Variants in PSMB2 observed in about 807,000 individuals in gnomAD.
The protein encoded by PSMB2 is proteasome subunit beta type-2.
PSMB2 carries 13 observed loss-of-function variants against 25.7 expected under a neutral mutation model. The observed-to-expected ratio is 0.51, with a 90% CI of 0.33 to 0.80. The LOEUF (loss-of-function observed/expected upper bound fraction) is 0.80. PSMB2 is among the 30% of genes least tolerant of loss of function. The pLI is 0.02. For missense variants in PSMB2, 202 were observed against 259.0 expected, an observed-to-expected ratio of 0.78 and a Z score of 1.51; for synonymous variants, 87 against 96.2, an observed-to-expected ratio of 0.90 and a Z score of 0.56.
intron 3 of PSMB2, among the ~76,000 whole-genome samples, chr1:35,625,473 A>G (rs1467510510): frequency 6.6e-6 from 1 of 152,074 alleles, no homozygotes; most frequent in Non-Finnish European, 1.5e-5. Flanking sequence ...CATTTTAAGT[A>G]AGAAATAGGC....
chr1:35,628,858 T>C (rs985988940), intron 3 of PSMB2, among the ~76,000 whole-genome samples: 3 of 151,688 alleles, frequency 2.0e-5, no homozygotes, highest in Non-Finnish European at 2.9e-5. Flanking sequence ...AACTGCTTTA[T>C]AGATCTGTAG....
chr1:35,628,347 T>C (rs973692036), intron 3 of PSMB2, among the ~76,000 whole-genome samples: 2 of 151,722 alleles, frequency 1.3e-5, no homozygotes, highest in African/African-American at 4.8e-5. Context: ...AAAAAGGAGC[T>C]TAATTCACTT....
intron 1 of PSMB2, among the ~76,000 whole-genome samples, chr1:35,639,854 A>G (rs951436728): frequency 1.3e-5 from 2 of 152,178 alleles, no homozygotes; most frequent in Non-Finnish European, 2.9e-5. Context: ...CTACAAACTA[A>G]TCATAGAATT....
rs545811137 is a variant in PSMB2, at chr1:35,618,251, A to G, written c.286-8843T>C. On this transcript the variant is annotated intron_variant, in intron 3 of 5. Transcript: ENST00000373237. Reference sequence around the variant, plus strand: ...AAGAGGTGAGGGAGAAAGAAGAGTGAGGACTCTCAATAAGGGGGACAGTGG... The same window carrying G: ...AAGAGGTGAGGGAGAAAGAAGAGTGGGGACTCTCAATAAGGGGGACAGTGG... Among the ~76,000 whole-genome samples, 5 of 152,304 alleles carry G rather than the reference A, an allele frequency of 3.3e-5. No homozygotes were observed. The East Asian group carries it at 9.7e-4, about 29-fold the overall frequency.
intron 2 of PSMB2, among the ~76,000 whole-genome samples, chr1:35,632,547 G>A (rs1267605495): frequency 6.6e-6 from 1 of 152,214 alleles, no homozygotes; most frequent in Non-Finnish European, 1.5e-5. Flanking sequence ...GTTTTCACAT[G>A]TATTATTGTA....
rs12090267 is a variant in PSMB2 at position 35,610,572 on chromosome 1, C to T, written c.286-1164G>A. Among the ~76,000 whole-genome samples, 1,041 of 152,048 alleles carry T rather than the reference C, an allele frequency of 6.8e-3. 13 individuals are homozygous for T. Among genetic ancestry groups the T allele is most frequent in the African/African-American group, 0.024 (995 of 41,476 alleles). On this transcript the variant is annotated intron_variant, in intron 3 of 5. Transcript: ENST00000373237. Reference sequence around the variant, plus strand: ...GAGCAATGGTGCGATCTTGGCTCACCGCAACCTCTACCTCCCAGGTTCAAG... The same window carrying T: ...GAGCAATGGTGCGATCTTGGCTCACTGCAACCTCTACCTCCCAGGTTCAAG...
intron 5 of PSMB2, among the ~76,000 whole-genome samples, chr1:35,604,482 A>G (rs1650101407): frequency 6.6e-6 from 1 of 152,218 alleles, no homozygotes; most frequent in African/African-American, 2.4e-5. Context: ...CAGAGCAGGT[A>G]TAAAGTCTAG....
In PSMB2 at chr1:35,603,264, A is replaced by G. The variant is rs1338157900; in HGVS notation, c.*3T>C. ...CCTGGCAAGTGGGAGGGAGGACATG[A>G]TGTTAGGAGCCCTGTTTGGGGAAGG... On this transcript the variant is annotated 3_prime_UTR_variant, in exon 6 of 6. Transcript: ENST00000373237. 3 of 1,613,754 alleles carry G rather than the reference A, an allele frequency of 1.9e-6. No homozygotes were observed. The highest frequency in any genetic ancestry group is 2.5e-6 in the Non-Finnish European group (3 of 1,179,916).
chr1:35,616,833 T>C (rs1453690998), intron 3 of PSMB2, among the ~76,000 whole-genome samples: 1 of 152,224 alleles, frequency 6.6e-6, no homozygotes, highest in Non-Finnish European at 1.5e-5. Flanking sequence ...GGTTTGGTGG[T>C]ATAATTTTAA....
At chr1:35,618,715 A>G (rs1296791793) in intron 3 of PSMB2, among the ~76,000 whole-genome samples, 1 of 152,206 alleles carries the variant, frequency 6.6e-6, no homozygotes, top group Non-Finnish European at 1.5e-5. Context: ...TGTTATCTAC[A>G]GTTGCCACTC....
intron 4 of PSMB2, among the ~76,000 whole-genome samples, chr1:35,608,307 G>T (rs1650229067): frequency 6.6e-6 from 1 of 151,912 alleles, no homozygotes; most frequent in Admixed American, 6.6e-5. Flanking sequence ...GGAGGTTGCT[G>T]TGAGCCGAGA....
At chr1:35,639,659 T>C (rs1393537719) in intron 1 of PSMB2, among the ~76,000 whole-genome samples, 5 of 152,260 alleles carry the variant, frequency 3.3e-5, no homozygotes, top group Admixed American at 3.3e-4. Context: ...TACTTTTCAA[T>C]GTGATTTCAC....
chr1:35,637,694 C>A (rs7524097), intron 1 of PSMB2, among the ~76,000 whole-genome samples: 3,070 of 152,150 alleles, frequency 0.02, 91 homozygotes, highest in East Asian at 0.058. Flanking sequence ...TTGTAGATAC[C>A]AGTAATATGG....
intron 3 of PSMB2, among the ~76,000 whole-genome samples, chr1:35,622,307 C>T (rs184422331): frequency 6.6e-6 from 1 of 152,286 alleles, no homozygotes; most frequent in Admixed American, 6.5e-5. Context: ...GGCATGCCCA[C>T]ACCTATGCCT....
chr1:35,618,642 T>G (rs1650576297), intron 3 of PSMB2, among the ~76,000 whole-genome samples: 1 of 151,964 alleles, frequency 6.6e-6, no homozygotes, highest in Admixed American at 6.6e-5. Context: ...GGGGGAAGAC[T>G]AGCAAAGTGC....
At chr1:35,624,196 A>G (rs1199197321) in intron 3 of PSMB2, among the ~76,000 whole-genome samples, 2 of 152,156 alleles carry the variant, frequency 1.3e-5, no homozygotes, top group East Asian at 3.9e-4. Context: ...TAAAAATTCA[A>G]GTCTGGTTGT....
chr1:35,626,586 C>T (rs924962692), intron 3 of PSMB2, among the ~76,000 whole-genome samples: 2 of 152,078 alleles, frequency 1.3e-5, no homozygotes, highest in East Asian at 1.9e-4. Flanking sequence ...TACATTAGTC[C>T]ACTAATTAAT....
rs76177033 is a variant in PSMB2 at position 35,616,404 on chromosome 1, T to G, written c.286-6996A>C. On this transcript the variant is annotated intron_variant, in intron 3 of 5. Transcript: ENST00000373237. Reference sequence around the variant, plus strand: ...TAACATTTTAAGGATTTTGTTTGTTTATTTTGGGAGACAAGGTCTTGCTAT... The same window carrying G: ...TAACATTTTAAGGATTTTGTTTGTTGATTTTGGGAGACAAGGTCTTGCTAT... Among the ~76,000 whole-genome samples, 1,153 of 152,344 alleles carry G rather than the reference T, an allele frequency of 7.6e-3. 14 individuals carry two copies. Among genetic ancestry groups the G allele is most frequent in the African/African-American group, 0.027 (1,106 of 41,572 alleles).
intron 1 of PSMB2, among the ~76,000 whole-genome samples, chr1:35,638,706 T>A (rs557275672): frequency 4.1e-4 from 62 of 152,192 alleles, no homozygotes; most frequent in African/African-American, 1.5e-3. Context: ...CAATTCTACA[T>A]AGGCCAAGAG....
Sources: gnomAD v4.1 joint callset for allele counts (sites outside exome capture counted in the v4.1 genomes callset) on GRCh38, gnomAD v4.1.1 for gene constraint, MANE v1.5 for transcripts, NCBI Gene and HGNC (gene_info 2026-07-23, HGNC 2026-07-21) for gene names.